NELL2: variants seen among roughly 807,000 people sequenced by gnomAD.
The protein encoded by NELL2 is protein kinase C-binding protein NELL2.
In NELL2, 41 loss-of-function variants were observed where a neutral mutation model predicts 109.6. The ratio of observed to expected loss-of-function variants is 0.37; its 90% CI spans 0.29 to 0.49. The LOEUF (loss-of-function observed/expected upper bound fraction) is 0.49, where lower values mean the gene tolerates loss of function less well. Among genes scored for constraint, NELL2 ranks in the 20% least tolerant of loss-of-function variants. NELL2 has a pLI of 0.98. For synonymous variants in NELL2, 355 were observed against 344.7 expected, an observed-to-expected ratio of 1.03 and a Z score of -0.33; for missense variants, 900 against 1,008.3, an observed-to-expected ratio of 0.89 and a Z score of 1.45.
chr12:44,653,916 A>C (rs966974561), intron 13 of NELL2, among the ~76,000 whole-genome samples: 4 of 152,216 alleles, frequency 2.6e-5, no homozygotes, highest in Admixed American at 2.6e-4. Flanking sequence ...TTTATCTCTT[A>C]CAATTCCATT....
intron 12 of NELL2, among the ~76,000 whole-genome samples, chr12:44,687,560 T>C (rs1948766832): frequency 6.6e-6 from 1 of 152,222 alleles, no homozygotes; most frequent in Non-Finnish European, 1.5e-5. Flanking sequence ...TCTTATTTTA[T>C]ACTAGAGTTA....
At chr12:44,644,912 G>A (rs948353023) in intron 13 of NELL2, among the ~76,000 whole-genome samples, 2 of 151,882 alleles carry the variant, frequency 1.3e-5, no homozygotes, top group African/African-American at 4.8e-5. Flanking sequence ...AAAAGTTTGT[G>A]ACTGTTAGCT....
chr12:44,831,810 T>C (rs1943896134), intron 2 of NELL2, among the ~76,000 whole-genome samples: 1 of 152,178 alleles, frequency 6.6e-6, no homozygotes, highest in Non-Finnish European at 1.5e-5. Flanking sequence ...CCGTGAGTAA[T>C]TTCAGGTGGC....
At chr12:44,812,619 A>T (rs910462412) in intron 3 of NELL2, among the ~76,000 whole-genome samples, 1 of 152,212 alleles carries the variant, frequency 6.6e-6, no homozygotes, top group African/African-American at 2.4e-5. Flanking sequence ...ATGAAACTAA[A>T]TAGATGAGTG....
chr12:44,713,710 T>G (rs1431446267), intron 10 of NELL2, among the ~76,000 whole-genome samples: 1 of 151,892 alleles, frequency 6.6e-6, no homozygotes, highest in Admixed American at 6.6e-5. Flanking sequence ...TCCTCCTTGC[T>G]TATCTCAAAG....
chr12:44,874,960 T>A (rs1228565447), intron 2 of NELL2: 4 of 325,288 alleles, frequency 1.2e-5, no homozygotes, highest in Non-Finnish European at 2.2e-5. Context: ...AAATCAACCA[T>A]CTGCCATAGG....
At chr12:44,549,647 A>C (rs938088484) in intron 15 of NELL2, among the ~76,000 whole-genome samples, 1 of 152,224 alleles carries the variant, frequency 6.6e-6, no homozygotes, top group African/African-American at 2.4e-5. Context: ...AAAGAAGTTC[A>C]GAAAACAATA....
At chr12:44,534,878 C>CTT (rs1942227876) in intron 15 of NELL2, among the ~76,000 whole-genome samples, 1 of 151,982 alleles carries the variant, frequency 6.6e-6, no homozygotes, top group African/African-American at 2.4e-5. Context: ...CAAATTAGTC[C>CTT]TTTCTTCCTA....
intron 13 of NELL2, among the ~76,000 whole-genome samples, chr12:44,651,490 T>A (rs144989798): frequency 3.1e-4 from 47 of 152,326 alleles, no homozygotes; most frequent in African/African-American, 1.1e-3. Context: ...TAATGATATA[T>A]ATATTCTCTC....
At chr12:44,601,303 A>G (rs1472715541) in intron 15 of NELL2, among the ~76,000 whole-genome samples, 1 of 152,132 alleles carries the variant, frequency 6.6e-6, no homozygotes, top group African/African-American at 2.4e-5. Context: ...ATTTTTTCCA[A>G]TTAACCTGAA....
intron 18 of NELL2, among the ~76,000 whole-genome samples, chr12:44,521,772 A>T (rs1941552368): frequency 6.6e-6 from 1 of 152,086 alleles, no homozygotes; most frequent in East Asian, 1.9e-4. Context: ...GACATACATT[A>T]CTGTCAGTGA....
intron 13 of NELL2, among the ~76,000 whole-genome samples, chr12:44,632,473 T>C (rs1418328765): frequency 6.6e-6 from 1 of 152,146 alleles, no homozygotes; most frequent in East Asian, 1.9e-4. Context: ...AAAATTCCAA[T>C]GCTTTATGCT....
intron 2 of NELL2, among the ~76,000 whole-genome samples, chr12:44,816,917 C>G (rs1247367606): frequency 6.6e-6 from 1 of 152,204 alleles, no homozygotes; most frequent in Non-Finnish European, 1.5e-5. Context: ...GGTTTAAAAA[C>G]CTATCATTCA....
chr12:44,562,466 A>T (rs1450321881), intron 15 of NELL2, among the ~76,000 whole-genome samples: 1 of 152,256 alleles, frequency 6.6e-6, no homozygotes, highest in Non-Finnish European at 1.5e-5. Context: ...AAACAAATTT[A>T]CAAGAAAAAA....
At chr12:44,779,169 A>T (rs1209429480) in intron 5 of NELL2, among the ~76,000 whole-genome samples, 1 of 152,234 alleles carries the variant, frequency 6.6e-6, no homozygotes, top group Non-Finnish European at 1.5e-5. Context: ...CTCCAAGTAC[A>T]TATTAAAGGA....
intron 13 of NELL2, among the ~76,000 whole-genome samples, chr12:44,631,227 T>C (rs1029498712): frequency 3.4e-5 from 5 of 147,792 alleles, no homozygotes; most frequent in African/African-American, 1.2e-4. Flanking sequence ...GAAATGTATA[T>C]ATATATAAAT....
intron 2 of NELL2, among the ~76,000 whole-genome samples, chr12:44,869,423 T>G (rs1945100732): frequency 6.6e-6 from 1 of 152,188 alleles, no homozygotes; most frequent in Non-Finnish European, 1.5e-5. Flanking sequence ...TAGAAAGATG[T>G]TGACAGCCAA....
At chr12:44,611,527 C>A (rs1195801154) in intron 13 of NELL2, among the ~76,000 whole-genome samples, 1 of 152,058 alleles carries the variant, frequency 6.6e-6, no homozygotes, top group African/African-American at 2.4e-5. Flanking sequence ...GCAAAGAAAG[C>A]AGCACAAATC....
At chr12:44,827,262 G>C (rs1592611272) in intron 2 of NELL2, among the ~76,000 whole-genome samples, 1 of 152,164 alleles carries the variant, frequency 6.6e-6, no homozygotes, top group East Asian at 1.9e-4. Flanking sequence ...GGTAAATGGG[G>C]TATCCATCAC....
Sources: allele counts gnomAD v4.1 joint callset (sites outside exome capture counted in the v4.1 genomes callset), GRCh38; gene constraint gnomAD v4.1.1; transcripts MANE v1.5; gene names NCBI Gene and HGNC (gene_info 2026-07-23, HGNC 2026-07-21).